Variants in MTF1 observed in about 807,000 individuals in gnomAD.
MTF1 encodes metal regulatory transcription factor 1.
MTF1 carries 22 observed loss-of-function variants against 70.4 expected under a neutral mutation model. That is an observed-to-expected ratio of 0.31 (90% CI 0.22 to 0.45). The LOEUF (loss-of-function observed/expected upper bound fraction) is 0.45. MTF1 is among the 20% of genes least tolerant of loss of function. The pLI is 1.00. For missense variants in MTF1, 649 were observed against 922.0 expected (o/e 0.70, Z 3.83); for synonymous variants, 333 against 352.8 (o/e 0.94, Z 0.63).
intron 7 of MTF1, among the ~76,000 whole-genome samples, chr1:37,830,063 G>A (rs1035426455): frequency 4.1e-4 from 62 of 152,146 alleles, no homozygotes; most frequent in Middle Eastern, 3.2e-3. Context: ...ATATGTCATA[G>A]TCTTGGCCAG....
Position 37,809,809 on chromosome 1 carries a change from C to G in MTF1, c.*5327G>C, listed in dbSNP as rs1640674265. 2 of 152,614 alleles carry G rather than the reference C, an allele frequency of 1.3e-5. No homozygotes were observed. Among genetic ancestry groups the G allele is most frequent in the African/African-American group, 4.8e-5 (2 of 41,426 alleles). The allele number at this position is 152,614 out of a possible 1,614,324, so 9.5% of individuals were successfully genotyped here. A position where few individuals can be genotyped will look rare whatever the true frequency, so the allele number is the denominator to read the frequency against. On this transcript the variant is annotated 3_prime_UTR_variant, in exon 11 of 11. Transcript: ENST00000373036. ...AAGTACTGAACCTGTAACGTTTTCACATCGCTCAGTGGAAGTCCGTTGTTC... is the reference window on the plus strand; with the variant it reads ...AAGTACTGAACCTGTAACGTTTTCAGATCGCTCAGTGGAAGTCCGTTGTTC...
At chr1:37,819,429 T>C (rs1640876329) in intron 9 of MTF1, among the ~76,000 whole-genome samples, 1 of 147,898 alleles carries the variant, frequency 6.8e-6, no homozygotes, top group South Asian at 2.2e-4. Context: ...TCCAGAACAT[T>C]ATTTATATTA....
chr1:37,845,743 T>C lies in MTF1; in HGVS notation c.409-5585A>G, dbSNP rs566810166. 2.0e-5 allele frequency among the ~76,000 whole-genome samples: 3 copies of C among 152,262 alleles called. No homozygotes were observed. The East Asian group carries it at 5.8e-4, about 29-fold the overall frequency. On this transcript the variant is annotated intron_variant, in intron 2 of 10. Coordinates refer to ENST00000373036, the MANE Select transcript of MTF1 (RefSeq NM_005955.3). ...CTGGTCGGGAACTCCTGGCCTCAAATAAATTTCTCACCTCAGCCTCCCAGA... is the reference window on the plus strand; with the variant it reads ...CTGGTCGGGAACTCCTGGCCTCAAACAAATTTCTCACCTCAGCCTCCCAGA...
At chr1:37,852,932 A>G (rs1041792013) in intron 2 of MTF1, among the ~76,000 whole-genome samples, 3 of 152,172 alleles carry the variant, frequency 2.0e-5, no homozygotes, top group Admixed American at 6.5e-5. Context: ...TGCCTGGCCT[A>G]TTCAAAACCT....
rs781676074 is a variant in MTF1, at chr1:37,857,593, G to A, written c.66C>T (p.Pro22=). ...YFEAEEDELT[P]DDKMLRFVDK... is the part of the protein sequence containing the mutation. The stretch of plus-strand genomic sequence containing the variant: ...CCACAAACCTGAGCATTTTATCATC[G>A]GGGGTCAGCTCATCTTCCTCTGCCT... Residue 22 remains proline, a synonymous_variant, in exon 2 of 11, where the codon CCC becomes CCT. Transcript: ENST00000373036. The A allele has an allele frequency of 6.8e-6, 11 of 1,613,980 alleles. No homozygotes were observed. Among genetic ancestry groups the A allele is most frequent in the Non-Finnish European group, 8.5e-6 (10 of 1,180,020 alleles).
chr1:37,817,871 A>G (rs961981719), intron 9 of MTF1, among the ~76,000 whole-genome samples: 2 of 152,152 alleles, frequency 1.3e-5, no homozygotes, highest in South Asian at 4.1e-4. Flanking sequence ...AGAAAGCTGG[A>G]AAGTTCTTTT....
intron 7 of MTF1, among the ~76,000 whole-genome samples, chr1:37,831,214 C>T (rs757761805): frequency 6.6e-6 from 1 of 152,070 alleles, no homozygotes; most frequent in African/African-American, 2.4e-5. Context: ...GAGAGTTGGT[C>T]TCATAAGAGC....
chr1:37,832,219 A>T (rs1028321525), intron 7 of MTF1, 26 bp downstream of exon 7: 3 of 1,503,990 alleles, frequency 2.0e-6, no homozygotes, highest in Non-Finnish European at 2.8e-6. Flanking sequence ...TTATTTTTCT[A>T]GCACTGGTAT....
At chr1:37,857,087 C>T (rs920027494) in intron 2 of MTF1, among the ~76,000 whole-genome samples, 164 bp downstream of exon 2, 1 of 152,126 alleles carries the variant, frequency 6.6e-6, no homozygotes, top group Non-Finnish European at 1.5e-5. Context: ...ACCAAAAGTT[C>T]CAGAAGCAAT....
intron 10 of MTF1, 148 bp downstream of exon 10, chr1:37,817,271 A>G (rs755302378): frequency 1.5e-6 from 1 of 684,450 alleles, no homozygotes; most frequent in Non-Finnish European, 2.6e-6. Context: ...AATATGAAAT[A>G]CTCTAGCCAA....
chr1:37,844,886 G>C (rs1641310582), intron 2 of MTF1, among the ~76,000 whole-genome samples: 2 of 152,114 alleles, frequency 1.3e-5, no homozygotes, highest in Admixed American at 1.3e-4. Context: ...CTAATTATAG[G>C]TTTTCAGAGC....
At chr1:37,828,202 T>C (rs1157764440) in intron 7 of MTF1, 4 of 406,362 alleles carry the variant, frequency 9.8e-6, no homozygotes, top group Non-Finnish European at 1.9e-5. Context: ...AAAACTAATC[T>C]TAGTTGTTGT....
At chr1:37,819,172 G>A (rs1640871066) in intron 9 of MTF1, among the ~76,000 whole-genome samples, 1 of 152,104 alleles carries the variant, frequency 6.6e-6, no homozygotes, top group Admixed American at 6.5e-5. Flanking sequence ...AGAAATAAAT[G>A]TATTTTCTTT....
At chr1:37,844,926 T>A (rs1283031115) in intron 2 of MTF1, among the ~76,000 whole-genome samples, 1 of 152,218 alleles carries the variant, frequency 6.6e-6, no homozygotes, top group Non-Finnish European at 1.5e-5. Flanking sequence ...AAAATTAAGA[T>A]GCAATAATTA....
chr1:37,819,507 C>T (rs751072267), intron 9 of MTF1, among the ~76,000 whole-genome samples: 2 of 152,148 alleles, frequency 1.3e-5, no homozygotes, highest in Non-Finnish European at 2.9e-5. Context: ...CTTCCTATTA[C>T]ATGGGCTAAA....
intron 7 of MTF1, chr1:37,826,575 T>C (rs1259906098): frequency 4.4e-6 from 2 of 455,352 alleles, no homozygotes; most frequent in Admixed American, 4.7e-5. Context: ...CACCAGCTGA[T>C]GATTCTCTTC....
At chr1:37,850,936 A>AG (rs1557598856) in intron 2 of MTF1, among the ~76,000 whole-genome samples, 1 of 152,150 alleles carries the variant, frequency 6.6e-6, no homozygotes. Flanking sequence ...TGGAGGGAAA[A>AG]GAAAAAACCA....
chr1:37,852,933 T>C (rs1384255420), intron 2 of MTF1, among the ~76,000 whole-genome samples: 1 of 152,172 alleles, frequency 6.6e-6, no homozygotes, highest in Admixed American at 6.6e-5. Context: ...GCCTGGCCTA[T>C]TCAAAACCTT....
rs369216539 is a variant in MTF1, at chr1:37,845,393, C to T, written c.409-5235G>A. Among the ~76,000 whole-genome samples the T allele has an allele frequency of 5.1e-4, 78 of 151,912 alleles. 1 individual carries two copies. The South Asian group carries it at 0.016, about 31-fold the overall frequency. ...AGTGAGAAAGTGAGACAATGAATAT[C>T]AACTACACTTTCCAGAAATTTGGCT... On this transcript the variant is annotated intron_variant, in intron 2 of 10. Transcript: ENST00000373036.
Sources: gnomAD v4.1 joint callset for allele counts (sites outside exome capture counted in the v4.1 genomes callset) on GRCh38, gnomAD v4.1.1 for gene constraint, MANE v1.5 for transcripts, NCBI Gene and HGNC (gene_info 2026-07-23, HGNC 2026-07-21) for gene names.